The following TEC variants were observed in gnomAD, a reference collection of about 807,000 sequenced individuals.
TEC encodes tec protein tyrosine kinase, also known as tyrosine-protein kinase Tec.
TEC carries 72 observed loss-of-function variants against 93.0 expected under a neutral mutation model. That is an observed-to-expected ratio of 0.77 (90% CI 0.64 to 0.94). The LOEUF (loss-of-function observed/expected upper bound fraction) is 0.94. Among genes scored for constraint, TEC ranks in the 40% least tolerant of loss-of-function variants. The pLI is 0.00. For synonymous variants in TEC, 249 were observed against 247.7 expected (o/e 1.01, Z -0.05); for missense variants, 630 against 757.9 (o/e 0.83, Z 1.98).
chr4:48,247,760 TC>T (rs1157575679), intron 1 of TEC, among the ~76,000 whole-genome samples: 7 of 152,192 alleles, frequency 4.6e-5, no homozygotes, highest in Admixed American at 6.5e-5. Context: ...ATAATGGTAA[TC>T]TTCTGGAATT....
intron 2 of TEC, among the ~76,000 whole-genome samples, chr4:48,184,376 T>C (rs1042630277): frequency 4.6e-5 from 7 of 152,198 alleles, no homozygotes; most frequent in Admixed American, 1.3e-4. Flanking sequence ...TATACAACTA[T>C]AAAATCAAAG....
chr4:48,145,308 A>C lies in TEC; in HGVS notation c.1254-13T>G. 1 of 1,613,788 alleles carries C rather than the reference A, an allele frequency of 6.2e-7. No individual in the cohort carries two copies. The highest frequency in any genetic ancestry group is 8.5e-7 in the Non-Finnish European group (1 of 1,179,706). ...GTGTGTCAGTTTCCTGGGAAGGAAG[A>C]CATATATATAGTTACTATAGGAAAA... On this transcript the variant is annotated splice_polypyrimidine_tract_variant and intron_variant, in intron 13 of 17. Transcript: ENST00000381501.
intron 1 of TEC, among the ~76,000 whole-genome samples, chr4:48,235,774 T>C (rs1723766850): frequency 6.6e-6 from 1 of 152,208 alleles, no homozygotes; most frequent in African/African-American, 2.4e-5. Context: ...ATTATCATTA[T>C]CATTATTAAG....
At chr4:48,237,319 C>G in intron 1 of TEC, among the ~76,000 whole-genome samples, 1 of 119,248 alleles carries the variant, frequency 8.4e-6, no homozygotes. Context: ...GACTCTGTCT[C>G]AAAAAAAAAA....
chr4:48,230,438 G>A (rs1560419103), intron 1 of TEC, among the ~76,000 whole-genome samples: 1 of 152,142 alleles, frequency 6.6e-6, no homozygotes, highest in African/African-American at 2.4e-5. Context: ...AAAATACTAC[G>A]CAAATGTTTA....
At chr4:48,189,880 G>A (rs1461024476) in intron 2 of TEC, among the ~76,000 whole-genome samples, 1 of 152,054 alleles carries the variant, frequency 6.6e-6, no homozygotes, top group African/African-American at 2.4e-5. Flanking sequence ...TCCAAAAATA[G>A]CAAGAGCAAA....
At chr4:48,204,912 C>A (rs1264079659) in intron 2 of TEC, among the ~76,000 whole-genome samples, 1 of 152,044 alleles carries the variant, frequency 6.6e-6, no homozygotes, top group Non-Finnish European at 1.5e-5. Flanking sequence ...GGCTGGGGAC[C>A]CCTGCTGTAA....
rs1179050683 is a variant in TEC, at chr4:48,136,051, A to C, written c.*1365T>G. 6.6e-6 allele frequency: 1 copy of C among 152,204 alleles called. No homozygotes were observed. Among genetic ancestry groups the C allele is most frequent in the East Asian group, 1.9e-4 (1 of 5,196 alleles). 9.4% of individuals were successfully genotyped at this position (152,204 alleles called of 1,614,324 possible). ...TGTGTCTTCCTCGGCTAGTTACCCC[A>C]CCAACAGCAAGAATAACGTGTTGGG... On this transcript the variant is annotated 3_prime_UTR_variant, in exon 18 of 18. Transcript: ENST00000381501.
At position 48,263,231 on chromosome 4, in the gene TEC, T is replaced by A. The variant is rs1466877794; in HGVS notation, c.-46+6521A>T. On this transcript the variant is annotated intron_variant, in intron 1 of 17. Transcript: ENST00000381501. ...GGTGCTGCTGCTGGTAAGGCAGTTGTGTGATAAACTGGCCTCCAGAAGGAA... is the reference window on the plus strand; with the variant it reads ...GGTGCTGCTGCTGGTAAGGCAGTTGAGTGATAAACTGGCCTCCAGAAGGAA... 3.9e-4 allele frequency among the ~76,000 whole-genome samples: 59 copies of A among 152,192 alleles called. 1 individual carries two copies. Among genetic ancestry groups the A allele is most frequent in the Non-Finnish European group, 4.4e-5 (3 of 68,020 alleles).
At chr4:48,145,372 A>G in intron 13 of TEC, 36 bp downstream of exon 13, 2 of 1,613,182 alleles carry the variant, frequency 1.2e-6, no homozygotes, top group Non-Finnish European at 1.7e-6. Context: ...ACTTCTTAAT[A>G]CAAAAAGATG....
At chr4:48,182,858 A>T (rs1367303441) in intron 2 of TEC, among the ~76,000 whole-genome samples, 1 of 152,178 alleles carries the variant, frequency 6.6e-6, no homozygotes, top group African/African-American at 2.4e-5. Context: ...AATGTATACA[A>T]ATAACCAGGC....
intron 2 of TEC, among the ~76,000 whole-genome samples, chr4:48,181,203 C>T (rs1462539195): frequency 6.6e-6 from 1 of 152,148 alleles, no homozygotes; most frequent in Non-Finnish European, 1.5e-5. Flanking sequence ...GGGTCCAGAA[C>T]TCAGAAATGC....
intron 2 of TEC, among the ~76,000 whole-genome samples, chr4:48,217,164 C>T (rs1050719027): frequency 8.6e-5 from 13 of 151,812 alleles, no homozygotes; most frequent in African/African-American, 2.7e-4. Context: ...AGCGGAATGG[C>T]GTGATCTCAG....
chr4:48,208,424 C>A (rs1373935078), intron 2 of TEC, among the ~76,000 whole-genome samples: 3 of 152,162 alleles, frequency 2.0e-5, no homozygotes, highest in Non-Finnish European at 4.4e-5. Flanking sequence ...TCTCAAAACC[C>A]TCCAAAATCT....
intron 2 of TEC, among the ~76,000 whole-genome samples, chr4:48,213,702 A>G (rs1040007931): frequency 1.1e-4 from 17 of 152,344 alleles, no homozygotes; most frequent in African/African-American, 4.1e-4. Flanking sequence ...TTCTTTTGAC[A>G]GTTGATAACT....
At chr4:48,208,102 G>A (rs1365136469) in intron 2 of TEC, among the ~76,000 whole-genome samples, 2 of 152,194 alleles carry the variant, frequency 1.3e-5, no homozygotes, top group East Asian at 3.9e-4. Context: ...GTGAGGCAAA[G>A]AGCCAAAGTC....
chr4:48,266,204 A>G (rs1461559479), intron 1 of TEC, among the ~76,000 whole-genome samples: 1 of 152,216 alleles, frequency 6.6e-6, no homozygotes, highest in Non-Finnish European at 1.5e-5. Flanking sequence ...TATTCCAGGA[A>G]GCTCCTTTAG....
At chr4:48,232,698 T>C (rs1157405118) in intron 1 of TEC, among the ~76,000 whole-genome samples, 1 of 152,190 alleles carries the variant, frequency 6.6e-6, no homozygotes, top group African/African-American at 2.4e-5. Context: ...GAAATTCCAT[T>C]AAAAACAGTT....
In TEC at chr4:48,212,110, A is replaced by AAAAAAAAAAAAAAT; in HGVS notation, c.138+16366_138+16367insATTTTTTTTTTTTT. 6.5e-5 allele frequency among the ~76,000 whole-genome samples: 8 copies of AAAAAAAAAAAAAAT among 122,252 alleles called. No homozygotes were observed. In the East Asian group the frequency reaches 6.8e-4, roughly 10 times the overall value. The allele number at this position is 122,252 out of a possible 152,430, so 80.2% of individuals were successfully genotyped here. ...TGAGACTCTGTCTCAAAAAAAAAAA[A>AAAAAAAAAAAAAAT]ATATATATATATATATATATATGTA... is the stretch of plus-strand genomic sequence containing the variant. On this transcript the variant is annotated intron_variant, in intron 2 of 17. Transcript: ENST00000381501.
Sources: gnomAD v4.1 joint callset for allele counts (sites outside exome capture counted in the v4.1 genomes callset) on GRCh38, gnomAD v4.1.1 for gene constraint, MANE v1.5 for transcripts, NCBI Gene and HGNC (gene_info 2026-07-23, HGNC 2026-07-21) for gene names.